Variants in ATRNL1 observed in about 807,000 individuals in gnomAD.
ATRNL1 encodes attractin like 1.
Under a neutral mutation model 182.7 loss-of-function variants are expected in ATRNL1, and 95 were observed. The ratio of observed to expected loss-of-function variants is 0.52; its 90% CI spans 0.44 to 0.62. ATRNL1 has a LOEUF of 0.62. Ranked by LOEUF, ATRNL1 falls within the 20% of genes least tolerant of loss-of-function variation. The pLI is 0.00. For missense variants in ATRNL1, 1,471 were observed against 1,679.5 expected, an observed-to-expected ratio of 0.88 and a Z score of 2.17; for synonymous variants, 576 against 568.3, an observed-to-expected ratio of 1.01 and a Z score of -0.19.
At chr10:115,499,712 T>C (rs1849719873) in intron 24 of ATRNL1, among the ~76,000 whole-genome samples, 2 of 152,158 alleles carry the variant, frequency 1.3e-5, no homozygotes, top group African/African-American at 4.8e-5. Context: ...TTCATTTGAG[T>C]TTCTGATTAA....
Position 115,280,565 on chromosome 10 carries a change from A to G in ATRNL1, c.2101-790A>G, listed in dbSNP as rs182374506. On this transcript the variant is annotated intron_variant, in intron 13 of 28. Transcript: ENST00000355044. ...TGGGTGTACTGTCCTGAGACTGGGA[A>G]GGGTCCTCTTAAATTGAGAAATGTG... is the stretch of plus-strand genomic sequence containing the variant. Among the ~76,000 whole-genome samples, 242 of 152,198 alleles carry G rather than the reference A, an allele frequency of 1.6e-3. 1 individual carries two copies. The highest frequency in any genetic ancestry group is 5.5e-3 in the African/African-American group (230 of 41,528).
intron 27 of ATRNL1, among the ~76,000 whole-genome samples, chr10:115,812,643 A>T (rs1950073199): frequency 6.6e-6 from 1 of 151,908 alleles, no homozygotes; most frequent in Non-Finnish European, 1.5e-5. Flanking sequence ...CACCCAGCTA[A>T]TTTTTTGCAT....
chr10:115,207,765 T>C (rs1554894100), intron 8 of ATRNL1, among the ~76,000 whole-genome samples: 1 of 152,052 alleles, frequency 6.6e-6, no homozygotes, highest in Non-Finnish European at 1.5e-5. Context: ...GTCATTCTTA[T>C]CTTTGTTCTT....
At chr10:115,201,234 A>G (rs1282081475) in intron 8 of ATRNL1, among the ~76,000 whole-genome samples, 2 of 151,800 alleles carry the variant, frequency 1.3e-5, no homozygotes, top group Admixed American at 6.6e-5. Flanking sequence ...CTTTAGTTTA[A>G]TGAGATCCCA....
intron 26 of ATRNL1, among the ~76,000 whole-genome samples, chr10:115,596,920 A>G (rs2769389): frequency 0.29 from 44,336 of 151,906 alleles, 7,656 homozygotes; most frequent in East Asian, 0.68. Flanking sequence ...TACTACAATA[A>G]TTGATTTATA....
At chr10:115,665,343 T>TGG (rs1860939726) in intron 26 of ATRNL1, among the ~76,000 whole-genome samples, 5 of 152,150 alleles carry the variant, frequency 3.3e-5, no homozygotes, top group African/African-American at 1.2e-4. Flanking sequence ...AGAAGGTAAG[T>TGG]GGCTTAACCC....
chr10:115,206,119 C>G (rs1355779127), intron 8 of ATRNL1, among the ~76,000 whole-genome samples: 1 of 152,060 alleles, frequency 6.6e-6, no homozygotes, highest in Non-Finnish European at 1.5e-5. Flanking sequence ...ATTATTAGCA[C>G]TTAAAAAATG....
chr10:115,632,690 T>G (rs1427839844), intron 26 of ATRNL1, among the ~76,000 whole-genome samples: 2 of 152,106 alleles, frequency 1.3e-5, no homozygotes, highest in Non-Finnish European at 2.9e-5. Context: ...ATGAATATGC[T>G]GCATTATTTA....
intron 27 of ATRNL1, among the ~76,000 whole-genome samples, chr10:115,732,342 A>G (rs781903973): frequency 3.9e-5 from 6 of 152,158 alleles, no homozygotes; most frequent in African/African-American, 9.7e-5. Flanking sequence ...CTATTTATCT[A>G]TTCTTATGAC....
At chr10:115,164,000 T>C (rs941360653) in intron 6 of ATRNL1, among the ~76,000 whole-genome samples, 1 of 152,190 alleles carries the variant, frequency 6.6e-6, no homozygotes, top group African/African-American at 2.4e-5. Context: ...GGGCACTTCC[T>C]TTCCTTTCCT....
At chr10:115,416,954 CACA>C (rs1221506490) in intron 20 of ATRNL1, among the ~76,000 whole-genome samples, 27 of 152,224 alleles carry the variant, frequency 1.8e-4, no homozygotes, top group African/African-American at 5.8e-4. Context: ...AATATTTCTT[CACA>C]ACAACAAGAA....
chr10:115,134,400 T>G (rs2143756044), intron 5 of ATRNL1, among the ~76,000 whole-genome samples: 1 of 152,154 alleles, frequency 6.6e-6, no homozygotes, highest in African/African-American at 2.4e-5. Flanking sequence ...CAGAGAATAC[T>G]ATAAACACCT....
chr10:115,714,550 T>C (rs1947189148), intron 26 of ATRNL1, among the ~76,000 whole-genome samples: 1 of 152,176 alleles, frequency 6.6e-6, no homozygotes, highest in Admixed American at 6.5e-5. Flanking sequence ...CTCAATGATA[T>C]TATGTTCTTT....
intron 26 of ATRNL1, among the ~76,000 whole-genome samples, chr10:115,676,710 C>T (rs1945873696): frequency 6.6e-6 from 1 of 151,322 alleles, no homozygotes; most frequent in Non-Finnish European, 1.5e-5. Context: ...AAAAGGCAAA[C>T]ATAAGTCAGG....
At chr10:115,579,437 CCTT>C (rs1854934427) in intron 26 of ATRNL1, among the ~76,000 whole-genome samples, 1 of 151,694 alleles carries the variant, frequency 6.6e-6, no homozygotes, top group Non-Finnish European at 1.5e-5. Context: ...ATTATGTTGA[CCTT>C]CTAAAATTAT....
intron 18 of ATRNL1, among the ~76,000 whole-genome samples, chr10:115,330,006 G>A (rs1855126646): frequency 6.6e-6 from 1 of 152,016 alleles, no homozygotes; most frequent in African/African-American, 2.4e-5. Context: ...CTAGCAATAT[G>A]ATTTGATTTC....
At chr10:115,659,019 G>A (rs1490748787) in intron 26 of ATRNL1, among the ~76,000 whole-genome samples, 2 of 152,074 alleles carry the variant, frequency 1.3e-5, no homozygotes, top group African/African-American at 4.8e-5. Flanking sequence ...CTCACTATCA[G>A]GAGAATAACA....
At chr10:115,810,392 T>C (rs1950020297) in intron 27 of ATRNL1, among the ~76,000 whole-genome samples, 1 of 151,956 alleles carries the variant, frequency 6.6e-6, no homozygotes, top group African/African-American at 2.4e-5. Flanking sequence ...TTGATAGAAA[T>C]TGCCCACTGA....
intron 10 of ATRNL1, among the ~76,000 whole-genome samples, chr10:115,253,415 C>T (rs929647381): frequency 6.6e-6 from 1 of 152,082 alleles, no homozygotes; most frequent in Non-Finnish European, 1.5e-5. Context: ...TGTGAGGTAG[C>T]TTGCAACTGA....
Sources: gnomAD v4.1 joint callset for allele counts (sites outside exome capture counted in the v4.1 genomes callset) on GRCh38, gnomAD v4.1.1 for gene constraint, MANE v1.5 for transcripts, NCBI Gene and HGNC (gene_info 2026-07-23, HGNC 2026-07-21) for gene names.